Variants in PARVB observed in about 807,000 individuals in gnomAD.
PARVB encodes beta-parvin.
PARVB carries 46 observed loss-of-function variants against 47.0 expected under a neutral mutation model. The observed-to-expected ratio is 0.98, with a 90% confidence interval of 0.77 to 1.25. The LOEUF is 1.25. Among genes scored for constraint, PARVB ranks in the 50% most tolerant of loss-of-function variants. PARVB has a pLI of 0.00. For missense variants in PARVB, 473 were observed against 471.6 expected (o/e 1.00, Z -0.03); for synonymous variants, 196 against 196.3 (o/e 1.00, Z 0.01).
chr22:44,006,392 A>C (rs923561879), intron 2 of PARVB, among the ~76,000 whole-genome samples: 3 of 152,228 alleles, frequency 2.0e-5, no homozygotes, highest in African/African-American at 7.2e-5. Context: ...TTGGGAGGCC[A>C]AGGTGGGCAG....
intron 2 of PARVB, among the ~76,000 whole-genome samples, chr22:44,096,445 C>A (rs1394395055): frequency 6.6e-6 from 1 of 152,144 alleles, no homozygotes; most frequent in Non-Finnish European, 1.5e-5. Context: ...TGCACAGCAC[C>A]TGATTCTTTC....
At chr22:44,158,957 C>T (rs914361891) in intron 11 of PARVB, among the ~76,000 whole-genome samples, 10 of 152,224 alleles carry the variant, frequency 6.6e-5, no homozygotes, top group Admixed American at 1.3e-4. Context: ...ACTTCTGGCA[C>T]GTTGCAGTCT....
chr22:44,081,098 C>A (rs950584206), intron 1 of PARVB, among the ~76,000 whole-genome samples: 1 of 152,282 alleles, frequency 6.6e-6, no homozygotes, highest in South Asian at 2.1e-4. Context: ...CCCTGTGGGC[C>A]GTGAAGGCCT....
chr22:44,135,197 C>T (rs1179915047), intron 6 of PARVB, among the ~76,000 whole-genome samples: 3 of 152,074 alleles, frequency 2.0e-5, no homozygotes, highest in Non-Finnish European at 4.4e-5. Context: ...CCATCTGGAG[C>T]TCCTGTGACA....
At chr22:44,072,061 CTG>C (rs1337318575) in intron 1 of PARVB, among the ~76,000 whole-genome samples, 1 of 152,230 alleles carries the variant, frequency 6.6e-6, no homozygotes, top group African/African-American at 2.4e-5. Flanking sequence ...GCGTCTGTGA[CTG>C]CCCCACGTCT....
At chr22:44,021,646 A>G (rs539111828), upstream of PARVB, among the ~76,000 whole-genome samples, 2 of 152,224 alleles carry the variant, frequency 1.3e-5, no homozygotes, top group South Asian at 4.1e-4. Context: ...TGGTGGAGGA[A>G]AACCAATGCA....
At chr22:44,000,391 C>T (rs117093587) in intron 2 of PARVB, among the ~76,000 whole-genome samples, 39 of 152,320 alleles carry the variant, frequency 2.6e-4, no homozygotes, top group Middle Eastern at 6.8e-3. Flanking sequence ...AATACTGGGC[C>T]ACTGTGAATA....
At chr22:44,135,267 T>A (rs567765780) in intron 6 of PARVB, among the ~76,000 whole-genome samples, 1 of 152,026 alleles carries the variant, frequency 6.6e-6, no homozygotes, top group African/African-American at 2.4e-5. Context: ...ATCATTACTT[T>A]TTTTTTTTTG....
chr22:44,043,100 T>C (rs894743433), intron 1 of PARVB, among the ~76,000 whole-genome samples: 3 of 152,200 alleles, frequency 2.0e-5, no homozygotes, highest in Non-Finnish European at 4.4e-5. Flanking sequence ...GGATCCATGC[T>C]ACAACATGGG....
intron 1 of PARVB, among the ~76,000 whole-genome samples, chr22:44,078,764 G>A (rs186375407): frequency 6.6e-5 from 10 of 152,138 alleles, no homozygotes; most frequent in Non-Finnish European, 1.2e-4. Flanking sequence ...TCACTCTGTC[G>A]CCCAGGCTGG....
rs918775380 is a variant in PARVB at position 44,125,536 on chromosome 22, T to G, written c.377-5951T>G. On this transcript the variant is annotated intron_variant, in intron 4 of 12. Transcript: ENST00000338758. The surrounding 1 kb of genome is among the most constrained non-coding windows in gnomAD (Gnocchi z 4.1). ...GGGAGGCGACATCTGAGCACATGTC[T>G]GCACAGTGAGCTTGGGAAGGGCGTT... Among the ~76,000 whole-genome samples the G allele has an allele frequency of 6.6e-6, 1 of 152,138 alleles. No homozygotes were observed. Among genetic ancestry groups the G allele is most frequent in the Non-Finnish European group, 1.5e-5 (1 of 68,018 alleles).
chr22:44,054,657 A>G (rs947917442), intron 1 of PARVB, among the ~76,000 whole-genome samples: 4 of 152,210 alleles, frequency 2.6e-5, no homozygotes, highest in African/African-American at 9.6e-5. Flanking sequence ...GTGGCACAGC[A>G]GTGAATGTCC....
intron 2 of PARVB, among the ~76,000 whole-genome samples, chr22:44,015,024 T>A (rs1160467190): frequency 6.6e-6 from 1 of 152,116 alleles, no homozygotes; most frequent in Non-Finnish European, 1.5e-5. Context: ...CTAATTTTTG[T>A]ATTTTTAGTA....
intron 3 of PARVB, chr22:44,108,505 A>G (rs1006724189): frequency 2.0e-5 from 3 of 152,388 alleles, no homozygotes; most frequent in African/African-American, 7.2e-5. Flanking sequence ...ACCACCAAAC[A>G]GGCTTTGTGT....
At chr22:44,014,014 A>G (rs2050551947) in intron 2 of PARVB, among the ~76,000 whole-genome samples, 5 of 152,206 alleles carry the variant, frequency 3.3e-5, no homozygotes, top group Admixed American at 3.3e-4. Context: ...CAGCAGTTTA[A>G]GACCAACCTG....
rs1205243771 is a variant in PARVB at position 44,103,529 on chromosome 22, G to A, written c.273+3406G>A. On this transcript the variant is annotated intron_variant, in intron 3 of 12. Coordinates refer to ENST00000338758, the MANE Select transcript of PARVB (RefSeq NM_013327.5). The surrounding 1 kb of genome is among the most constrained non-coding windows in gnomAD (Gnocchi z 4.6). ...TGGCTCTGTTTTTCAGGGAACCTGG[G>A]CCAGAATCATGGTCCCCAAAGATGA... 6.6e-6 allele frequency: 1 copy of A among 152,218 alleles called. No homozygotes were observed. The highest frequency in any genetic ancestry group is 2.4e-5 in the African/African-American group (1 of 41,446). 9.4% of individuals were successfully genotyped at this position (152,218 alleles called of 1,614,324 possible).
intron 1 of PARVB, among the ~76,000 whole-genome samples, chr22:44,066,780 T>TCTCCTCCTCCTCCTCCTCCTTCTCCTC (rs2051532843): frequency 2.1e-5 from 1 of 48,080 alleles, no homozygotes; most frequent in Non-Finnish European, 4.0e-5. Flanking sequence ...CTTAATTATT[T>TCTCCTCCTCCTCCTCCTCCTTCTCCTC]CTCCTCCTCC....
chr22:44,001,393 A>G (rs1274755525), intron 2 of PARVB, among the ~76,000 whole-genome samples: 10 of 152,248 alleles, frequency 6.6e-5, no homozygotes, highest in Admixed American at 6.5e-4. Context: ...TTGAAAATGC[A>G]TTAAGTACAC....
chr22:44,055,638 C>G (rs966318257), intron 1 of PARVB, among the ~76,000 whole-genome samples: 12 of 149,250 alleles, frequency 8.0e-5, no homozygotes, highest in Non-Finnish European at 1.6e-4. Context: ...CAGCCTGTCT[C>G]TCTGTCTGTC....
Sources: gnomAD v4.1 joint callset for allele counts (sites outside exome capture counted in the v4.1 genomes callset) on GRCh38, gnomAD v4.1.1 for gene constraint, Gnocchi (gnomAD v3.1) non-coding constraint, MANE v1.5 for transcripts, NCBI Gene and HGNC (gene_info 2026-07-23, HGNC 2026-07-21) for gene names.